Variants in ROPN1L observed in about 807,000 individuals in gnomAD.
The protein encoded by ROPN1L is rhophilin associated tail protein 1 like.
In ROPN1L, 23 loss-of-function variants were observed where a neutral mutation model predicts 22.7. The observed-to-expected ratio is 1.01, with a 90% CI of 0.73 to 1.43. ROPN1L has a LOEUF of 1.43. Among genes scored for constraint, ROPN1L ranks in the 40% most tolerant of loss-of-function variants. The probability of loss-of-function intolerance (pLI) is 0.00; values close to 1 mark genes in which losing one functional copy is unlikely to be tolerated. For missense variants in ROPN1L, 271 were observed against 291.5 expected (o/e 0.93, Z 0.51); for synonymous variants, 116 against 117.8 (o/e 0.98, Z 0.10).
chr5:10,479,831 G>A, the ROPN1L span, among the ~76,000 whole-genome samples: 1 of 151,808 alleles, frequency 6.6e-6, no homozygotes, highest in African/African-American at 2.4e-5. Flanking sequence ...CGCAACCTCT[G>A]CCTCCTGAAT....
At chr5:10,475,083 G>A (rs918362280), downstream of ROPN1L, among the ~76,000 whole-genome samples, 1 of 152,202 alleles carries the variant, frequency 6.6e-6, no homozygotes. Flanking sequence ...CCTCTCAGGT[G>A]GCTTTGTAGC....
In ROPN1L at chr5:10,442,130, GC is replaced by G; in HGVS notation, c.-36del. 6.3e-7 allele frequency: 1 copy of G among 1,585,330 alleles called. No homozygotes were observed. Among genetic ancestry groups the G allele is most frequent in the South Asian group, 1.1e-5 (1 of 89,650 alleles). On this transcript the variant is annotated 5_prime_UTR_variant, in exon 1 of 5. Coordinates refer to ENST00000274134, the MANE Select transcript of ROPN1L (RefSeq NM_031916.5). ...CAGCCGCCCTTCTTCCTCGCAGCGC[GC>G]CGCGATTCACCAGCCTGGTCCCTTC...
intron 1 of ROPN1L, among the ~76,000 whole-genome samples, chr5:10,447,837 T>A (rs1256778935): frequency 6.6e-6 from 1 of 152,064 alleles, no homozygotes; most frequent in African/African-American, 2.4e-5. Context: ...GCCATGATTA[T>A]GCCACTGCAC....
At chr5:10,476,842 A>G (rs1017887681), downstream of ROPN1L, among the ~76,000 whole-genome samples, 1 of 152,250 alleles carries the variant, frequency 6.6e-6, no homozygotes, top group Non-Finnish European at 1.5e-5. Flanking sequence ...GTCCATTTTA[A>G]AGAGACGAAA....
At chr5:10,469,556 G>T (rs1735213950), downstream of ROPN1L, among the ~76,000 whole-genome samples, 1 of 152,146 alleles carries the variant, frequency 6.6e-6, no homozygotes, top group Non-Finnish European at 1.5e-5. Flanking sequence ...TTCCTTAATT[G>T]CAGTGTGGGG....
chr5:10,479,095 A>G, the ROPN1L span, among the ~76,000 whole-genome samples: 3 of 152,048 alleles, frequency 2.0e-5, no homozygotes. Flanking sequence ...GGTGGCTGCT[A>G]TAATTATGGT....
Position 10,450,151 on chromosome 5 carries a change from C to A in ROPN1L, c.417+38C>A. 2.7e-6 allele frequency: 4 copies of A among 1,462,962 alleles called. No homozygotes were observed. The South Asian group carries it at 5.4e-5, about 20-fold the overall frequency. The allele number at this position is 1,462,962 out of a possible 1,614,324, so 90.6% of individuals were successfully genotyped here. On this transcript the variant is annotated intron_variant, in intron 3 of 4. Coordinates refer to ENST00000274134, the MANE Select transcript of ROPN1L (RefSeq NM_031916.5). Reference sequence around the variant, plus strand: ...AAACAGCATATTAATAATTCTGTGTCATCATGGTCCCAGCTTAAAAATAAT... The same window carrying A: ...AAACAGCATATTAATAATTCTGTGTAATCATGGTCCCAGCTTAAAAATAAT...
At chr5:10,472,884 TCC>T (rs1735270689), downstream of ROPN1L, among the ~76,000 whole-genome samples, 1 of 152,202 alleles carries the variant, frequency 6.6e-6, no homozygotes, top group Non-Finnish European at 1.5e-5. Flanking sequence ...CACACAGTGG[TCC>T]TGCTTGCCCT....
chr5:10,479,944 A>G, the ROPN1L span, among the ~76,000 whole-genome samples: 2 of 152,100 alleles, frequency 1.3e-5, no homozygotes, highest in Non-Finnish European at 2.9e-5. Context: ...GGGTTTCTCC[A>G]TGTTGGTCAG....
chr5:10,465,121 G>A, downstream of ROPN1L: 6 of 431,968 alleles, frequency 1.4e-5, no homozygotes, highest in Non-Finnish European at 2.1e-5. Flanking sequence ...GTCTTTTAGG[G>A]ACCTTAAGTG....
chr5:10,480,224 T>C, the ROPN1L span, among the ~76,000 whole-genome samples: 18 of 152,252 alleles, frequency 1.2e-4, no homozygotes, highest in Non-Finnish European at 2.2e-4. Flanking sequence ...CCCCTGGAGC[T>C]ACGAAATACA....
Position 10,441,998 on chromosome 5 carries a change from GAGCGGGTAAGAGCC to G in ROPN1L, c.-169_-156del. The G allele has an allele frequency of 1.2e-6, 1 of 824,884 alleles. No homozygotes were observed. The highest frequency in any genetic ancestry group is 1.9e-6 in the Non-Finnish European group (1 of 536,886). The allele number at this position is 824,884 out of a possible 1,614,324, so 51.1% of individuals were successfully genotyped here. On this transcript the variant is annotated 5_prime_UTR_variant, in exon 1 of 5. Transcript: ENST00000274134. The stretch of plus-strand genomic sequence containing the variant: ...CGAATTTCTCCCGAAGCCCGCGGAG[GAGCGGGTAAGAGCC>G]CCGCGAATCCGGCCCCAACCTCGGG...
exon 5 of ROPN1L, chr5:10,471,881 T>C (rs2126483273): frequency 6.6e-6 from 1 of 152,394 alleles, no homozygotes; most frequent in South Asian, 2.1e-4. Flanking sequence ...TCAGCTATGC[T>C]GGGCTCAGAG....
rs1741199623 is a variant in ROPN1L at position 10,449,966 on chromosome 5, G to T, written c.270G>T (p.Arg90=). The change falls in exon 3 of 5, where the codon CGG becomes CGT. Residue 90 remains arginine, a synonymous_variant. Coordinates refer to ENST00000274134, the MANE Select transcript of ROPN1L (RefSeq NM_031916.5). ...TTTCCAAACAGTGTCACCACAAGCGGTATGTGGAATTAACAGATCTTGAGC... is the reference window on the plus strand; with the variant it reads ...TTTCCAAACAGTGTCACCACAAGCGTTATGTGGAATTAACAGATCTTGAGC... ...KVLHKQCHHK[R]YVELTDLEQK... is the part of the protein sequence containing the mutation. 1 of 1,610,642 alleles carries T rather than the reference G, an allele frequency of 6.2e-7. No homozygotes were observed. Among genetic ancestry groups the T allele is most frequent in the Non-Finnish European group, 8.5e-7 (1 of 1,178,906 alleles).
intron 1 of ROPN1L, among the ~76,000 whole-genome samples, chr5:10,446,076 C>T (rs764031179): frequency 1.3e-5 from 2 of 152,218 alleles, no homozygotes; most frequent in Non-Finnish European, 2.9e-5. Flanking sequence ...TGAGGGGAGT[C>T]GGCTGTTCCT....
At chr5:10,467,079 G>A (rs183133245), downstream of ROPN1L, among the ~76,000 whole-genome samples, 1 of 152,190 alleles carries the variant, frequency 6.6e-6, no homozygotes, top group Admixed American at 6.5e-5. Context: ...TACAATCACA[G>A]TCTGAGTTGC....
chr5:10,450,737 C>T (rs1741226649), intron 3 of ROPN1L, among the ~76,000 whole-genome samples: 1 of 152,184 alleles, frequency 6.6e-6, no homozygotes, highest in Non-Finnish European at 1.5e-5. Flanking sequence ...CTCCTGACCT[C>T]AGGTGATCTG....
downstream of ROPN1L, among the ~76,000 whole-genome samples, chr5:10,466,333 G>A (rs1435787739): frequency 6.6e-6 from 1 of 152,106 alleles, no homozygotes; most frequent in Non-Finnish European, 1.5e-5. Flanking sequence ...CTATCTTGTT[G>A]GGAGGTGATG....
chr5:10,457,150 G>A (rs910710346), intron 3 of ROPN1L, among the ~76,000 whole-genome samples: 3 of 152,182 alleles, frequency 2.0e-5, no homozygotes, highest in Admixed American at 6.5e-5. Context: ...GCAGCTCCAC[G>A]GAGCAGGTTC....
Sources: allele counts gnomAD v4.1 joint callset (sites outside exome capture counted in the v4.1 genomes callset), GRCh38; gene constraint gnomAD v4.1.1; transcripts MANE v1.5; gene names NCBI Gene and HGNC (gene_info 2026-07-23, HGNC 2026-07-21).